Variants in ADAM23 observed in about 807,000 individuals in gnomAD.
ADAM23 encodes the protein disintegrin and metalloproteinase domain-containing protein 23.
ADAM23 carries 33 observed loss-of-function variants against 120.1 expected under a neutral mutation model. The ratio of observed to expected loss-of-function variants is 0.27; its 90% CI spans 0.21 to 0.37. ADAM23 has a LOEUF of 0.37. Among genes scored for constraint, ADAM23 ranks in the 10% least tolerant of loss-of-function variants. ADAM23 has a pLI of 1.00. For synonymous variants in ADAM23, 367 were observed against 375.2 expected, an observed-to-expected ratio of 0.98 and a Z score of 0.25; for missense variants, 862 against 1,058.2, an observed-to-expected ratio of 0.81 and a Z score of 2.57.
At chr2:206,499,414 G>A (rs1226862720) in intron 3 of ADAM23, among the ~76,000 whole-genome samples, 7 of 148,566 alleles carry the variant, frequency 4.7e-5, no homozygotes, top group Admixed American at 2.7e-4. Context: ...AACACTGCAT[G>A]TTCTCACTCA....
chr2:206,451,214 G>T (rs1178351257), intron 2 of ADAM23, among the ~76,000 whole-genome samples: 42 of 152,192 alleles, frequency 2.8e-4, no homozygotes, highest in Admixed American at 2.7e-3. Flanking sequence ...AGGTTATTTG[G>T]GTGGTGAGTG....
intron 9 of ADAM23, among the ~76,000 whole-genome samples, chr2:206,551,468 CTT>C (rs1288750113): frequency 3.3e-5 from 5 of 152,078 alleles, no homozygotes; most frequent in East Asian, 3.8e-4. Context: ...TCTGAAAAGA[CTT>C]TATATAGATG....
intron 9 of ADAM23, among the ~76,000 whole-genome samples, chr2:206,553,361 G>A (rs951924869): frequency 2.0e-5 from 3 of 152,104 alleles, no homozygotes; most frequent in Non-Finnish European, 4.4e-5. Context: ...GATTGAACCC[G>A]GGAGGTGGAG....
At chr2:206,605,955 A>T in intron 24 of ADAM23, 1 of 596,484 alleles carries the variant, frequency 1.7e-6, no homozygotes, top group Non-Finnish European at 3.0e-6. Context: ...ACCTGACTCC[A>T]TGTCTCGTCC....
intron 3 of ADAM23, among the ~76,000 whole-genome samples, chr2:206,513,040 G>GC (rs1696658189): frequency 6.6e-6 from 1 of 152,022 alleles, no homozygotes; most frequent in African/African-American, 2.4e-5. Context: ...CCACTGACTG[G>GC]CCATTCCCCT....
rs868822870 is a variant in ADAM23, at chr2:206,526,171, C to G, written c.510-4714C>G. Among the ~76,000 whole-genome samples the G allele has an allele frequency of 2.1e-4, 31 of 147,646 alleles. No individual in the cohort carries two copies. The South Asian group carries it at 3.9e-3, about 19-fold the overall frequency. The stretch of plus-strand genomic sequence containing the variant: ...ACACACACACACACACACACACACA[C>G]ACACACACAGACACACACAGACACA... On this transcript the variant is annotated intron_variant, in intron 3 of 25. Coordinates refer to ENST00000264377, the MANE Select transcript of ADAM23 (RefSeq NM_003812.4).
chr2:206,471,037 A>G (rs1321090830), intron 2 of ADAM23, among the ~76,000 whole-genome samples: 1 of 152,224 alleles, frequency 6.6e-6, no homozygotes, highest in African/African-American at 2.4e-5. Flanking sequence ...AGAGATCCCA[A>G]CATAAATCAC....
intron 3 of ADAM23, among the ~76,000 whole-genome samples, chr2:206,498,017 A>G (rs911769398): frequency 2.6e-5 from 4 of 152,216 alleles, no homozygotes; most frequent in African/African-American, 9.6e-5. Context: ...AAACAAATGG[A>G]AGAACACTCC....
chr2:206,595,595 C>G (rs1698509267), intron 23 of ADAM23, among the ~76,000 whole-genome samples: 1 of 152,004 alleles, frequency 6.6e-6, no homozygotes, highest in African/African-American at 2.4e-5. Context: ...TGTCTCCTGG[C>G]CTTTTATCTC....
At chr2:206,536,078 C>T (rs1283251877) in intron 4 of ADAM23, among the ~76,000 whole-genome samples, 1 of 152,228 alleles carries the variant, frequency 6.6e-6, no homozygotes, top group Admixed American at 6.5e-5. Flanking sequence ...GGTCTTGTCA[C>T]ATATGCTCAT....
intron 3 of ADAM23, among the ~76,000 whole-genome samples, chr2:206,519,503 AT>A (rs778391561): frequency 5.3e-5 from 8 of 152,084 alleles, no homozygotes; most frequent in Non-Finnish European, 1.0e-4. Context: ...AGGTGGGCTT[AT>A]TTGAAGGTCA....
intron 16 of ADAM23, among the ~76,000 whole-genome samples, chr2:206,571,043 G>A (rs6717276): frequency 0.78 from 118,333 of 152,156 alleles, 46,185 homozygotes; most frequent in African/African-American, 0.84. Flanking sequence ...TTAAAAATTT[G>A]TAGCTCATAT....
Position 206,543,282 on chromosome 2 carries a change from A to G in ADAM23, c.686A>G (p.Tyr229Cys), listed in dbSNP as rs146616400. 1.2e-6 allele frequency: 2 copies of G among 1,613,984 alleles called. No individual in the cohort carries two copies. Among genetic ancestry groups the G allele is most frequent in the African/African-American group, 1.3e-5 (1 of 74,936 alleles). ...ATGTTTGAAGATGATACCTTCGTGT[A>G]TATGATAGAGCCACTAGAGCTGGTT... ...HGMFEDDTFV[Y>C]MIEPLELVHD... Residue 229 changes from tyrosine (Y) to cysteine (C), a missense_variant, in exon 6 of 26, where the codon TAT becomes TGT. Coordinates refer to ENST00000264377, the MANE Select transcript of ADAM23 (RefSeq NM_003812.4).
At chr2:206,560,203 A>G in intron 11 of ADAM23, 85 bp downstream of exon 11, 7 of 1,391,344 alleles carry the variant, frequency 5.0e-6, no homozygotes, top group African/African-American at 1.4e-5. Context: ...GTTAAATATC[A>G]GAAAATAGTG....
At chr2:206,472,428 G>A (rs1305632230) in intron 2 of ADAM23, among the ~76,000 whole-genome samples, 1 of 151,890 alleles carries the variant, frequency 6.6e-6, no homozygotes, top group African/African-American at 2.4e-5. Flanking sequence ...TGGCCAATAT[G>A]GTGAAACCCT....
chr2:206,518,736 T>A (rs1277961694), intron 3 of ADAM23, among the ~76,000 whole-genome samples: 1 of 152,146 alleles, frequency 6.6e-6, no homozygotes, highest in Non-Finnish European at 1.5e-5. Flanking sequence ...GTAATTGGGG[T>A]ACAGTCTTTT....
intron 2 of ADAM23, among the ~76,000 whole-genome samples, chr2:206,462,074 C>T (rs999835744): frequency 4.6e-5 from 7 of 152,202 alleles, no homozygotes; most frequent in African/African-American, 1.4e-4. Flanking sequence ...CCTGATTTGC[C>T]GCCAGGAAGT....
intron 2 of ADAM23, among the ~76,000 whole-genome samples, chr2:206,467,639 G>T (rs925307479): frequency 1.3e-5 from 2 of 152,202 alleles, no homozygotes. Context: ...CAAGCTGCTG[G>T]TGGATGTACC....
At chr2:206,537,823 C>T (rs1697210206) in intron 4 of ADAM23, among the ~76,000 whole-genome samples, 1 of 152,054 alleles carries the variant, frequency 6.6e-6, no homozygotes, top group Middle Eastern at 3.2e-3. Flanking sequence ...TAAAAAGTTT[C>T]TTACCACTGC....
Sources: gnomAD v4.1 joint callset for allele counts (sites outside exome capture counted in the v4.1 genomes callset) on GRCh38, gnomAD v4.1.1 for gene constraint, MANE v1.5 for transcripts, NCBI Gene and HGNC (gene_info 2026-07-23, HGNC 2026-07-21) for gene names.